RSPO2: variants seen among roughly 807,000 people sequenced by gnomAD.
The protein encoded by RSPO2 is R-spondin-2.
A neutral mutation model predicts 30.9 loss-of-function variants in RSPO2; 14 were observed. That is an observed-to-expected ratio of 0.45 (90% confidence interval 0.30 to 0.71). The LOEUF is 0.71. RSPO2 is among the 30% of genes least tolerant of loss of function. The probability of loss-of-function intolerance (pLI) is 0.08; values close to 1 mark genes in which losing one functional copy is unlikely to be tolerated. For synonymous variants in RSPO2, 107 were observed against 96.4 expected (o/e 1.11, Z -0.64); for missense variants, 264 against 301.9 (o/e 0.87, Z 0.93).
Position 107,943,368 on chromosome 8 carries a change from T to TA in RSPO2, c.616+14711dup, listed in dbSNP as rs372943013. On this transcript the variant is annotated intron_variant, in intron 5 of 5. Transcript: ENST00000276659. ...ATCAGCATTTTGAGAACTGTATGGT[T>TA]AAAAAAAACTTTGAAATATGGGTGT... is the stretch of plus-strand genomic sequence containing the variant. Among the ~76,000 whole-genome samples, 1,264 of 152,178 alleles carry TA rather than the reference T, an allele frequency of 8.3e-3. 12 individuals are homozygous for TA. Among genetic ancestry groups the TA allele is most frequent in the South Asian group, 0.036 (175 of 4,820 alleles).
chr8:107,958,268 T>TCA lies in RSPO2; in HGVS notation c.428-1_428insTG (p.Glu143ValfsTer40). The stretch of plus-strand genomic sequence containing the variant: ...GCTCCAATGACCAACTTCACATCCT[T>TCA]CTAGTAAAGATTTTTAGAAAAAGAA... On this transcript the variant is annotated frameshift_variant and splice_region_variant. Coordinates refer to ENST00000276659, the MANE Select transcript of RSPO2 (RefSeq NM_178565.5). LOFTEE classifies it high-confidence loss of function. 6.2e-7 allele frequency: 1 copy of TCA among 1,606,480 alleles called. No homozygotes were observed. Among genetic ancestry groups the TCA allele is most frequent in the Non-Finnish European group, 8.5e-7 (1 of 1,176,376 alleles).
At chr8:107,933,972 G>C (rs1405426623) in intron 5 of RSPO2, among the ~76,000 whole-genome samples, 1 of 152,048 alleles carries the variant, frequency 6.6e-6, no homozygotes, top group Non-Finnish European at 1.5e-5. Context: ...TTTGCCTATG[G>C]TGGGCAAGAG....
intron 3 of RSPO2, among the ~76,000 whole-genome samples, chr8:107,987,587 G>A (rs1814690138): frequency 6.6e-6 from 1 of 152,200 alleles, no homozygotes; most frequent in East Asian, 1.9e-4. Context: ...CATTTAATGG[G>A]CAGGGACCAA....
chr8:107,951,572 T>C (rs1454360005), intron 5 of RSPO2, among the ~76,000 whole-genome samples: 1 of 152,170 alleles, frequency 6.6e-6, no homozygotes, highest in African/African-American at 2.4e-5. Flanking sequence ...CTTTGGGTCT[T>C]CAGTGGCATA....
intron 2 of RSPO2, among the ~76,000 whole-genome samples, chr8:108,071,531 G>A (rs1011309366): frequency 6.6e-6 from 1 of 152,088 alleles, no homozygotes; most frequent in African/African-American, 2.4e-5. Flanking sequence ...GAAGGAGGGC[G>A]GCCACAAGAT....
intron 3 of RSPO2, among the ~76,000 whole-genome samples, chr8:107,979,486 A>T (rs939802666): frequency 4.6e-5 from 7 of 152,244 alleles, no homozygotes; most frequent in African/African-American, 1.4e-4. Flanking sequence ...AACAATGAGA[A>T]CACCTGGACA....
chr8:107,994,422 G>A (rs1031439033), intron 2 of RSPO2, among the ~76,000 whole-genome samples: 2 of 151,836 alleles, frequency 1.3e-5, no homozygotes, highest in Non-Finnish European at 1.5e-5. Context: ...TCCTACTGAT[G>A]GGACATGGTG....
intron 3 of RSPO2, among the ~76,000 whole-genome samples, chr8:107,987,628 G>A (rs771018786): frequency 9.2e-5 from 14 of 152,168 alleles, no homozygotes; most frequent in Admixed American, 2.0e-4. Flanking sequence ...TGTAGGACAG[G>A]TCCCATGAAA....
intron 5 of RSPO2, among the ~76,000 whole-genome samples, chr8:107,943,374 A>G (rs1021306649): frequency 1.3e-5 from 2 of 152,172 alleles, no homozygotes; most frequent in Non-Finnish European, 2.9e-5. Context: ...TGGTTAAAAA[A>G]AACTTTGAAA....
intron 2 of RSPO2, chr8:107,997,008 C>T (rs1362749472): frequency 4.8e-6 from 2 of 412,734 alleles, no homozygotes; most frequent in Non-Finnish European, 9.6e-6. Flanking sequence ...AGTACTCTCT[C>T]CCCACTTTCT....
intron 5 of RSPO2, among the ~76,000 whole-genome samples, chr8:107,947,458 A>G (rs1813101127): frequency 6.6e-6 from 1 of 152,210 alleles, no homozygotes; most frequent in African/African-American, 2.4e-5. Flanking sequence ...GTACAAATAC[A>G]AACTAGAGAA....
chr8:107,901,561 G>A (rs1811464386), intron 5 of RSPO2, among the ~76,000 whole-genome samples: 1 of 152,160 alleles, frequency 6.6e-6, no homozygotes, highest in Non-Finnish European at 1.5e-5. Context: ...GTGTCAGTGG[G>A]TCAAAAGAAA....
At chr8:107,947,061 A>G (rs921323795) in intron 5 of RSPO2, among the ~76,000 whole-genome samples, 1 of 152,272 alleles carries the variant, frequency 6.6e-6, no homozygotes, top group African/African-American at 2.4e-5. Context: ...CACAAACTGC[A>G]AACTGATTAG....
intron 2 of RSPO2, among the ~76,000 whole-genome samples, chr8:108,036,954 C>T (rs1435373923): frequency 6.6e-6 from 1 of 152,182 alleles, no homozygotes. Context: ...GTTGTGTGTT[C>T]TGACTGCTCC....
intron 2 of RSPO2, among the ~76,000 whole-genome samples, chr8:108,050,247 C>T (rs1017279944): frequency 4.6e-5 from 7 of 152,076 alleles, no homozygotes; most frequent in Non-Finnish European, 8.8e-5. Flanking sequence ...TAGAAAAAGC[C>T]TCCCAGTGAA....
At chr8:108,040,870 C>T (rs1811733411) in intron 2 of RSPO2, among the ~76,000 whole-genome samples, 1 of 152,026 alleles carries the variant, frequency 6.6e-6, no homozygotes, top group African/African-American at 2.4e-5. Flanking sequence ...AGGTCTAAAA[C>T]AGAATATTTG....
At chr8:108,003,295 ATATATATATATATATATTTTTTTT>A (rs1815323406) in intron 2 of RSPO2, among the ~76,000 whole-genome samples, 1 of 27,446 alleles carries the variant, frequency 3.6e-5, no homozygotes, top group East Asian at 8.7e-4. Flanking sequence ...ATATATATAT[ATATATATATATATATATTTTTTTT>A]TTTTTTTTTT....
At chr8:108,057,361 T>G (rs960093700) in intron 2 of RSPO2, among the ~76,000 whole-genome samples, 1 of 152,130 alleles carries the variant, frequency 6.6e-6, no homozygotes, top group Non-Finnish European at 1.5e-5. Context: ...GTAGAAAGGT[T>G]ATTGGTAGTT....
At chr8:108,039,580 A>G (rs1469867418) in intron 2 of RSPO2, among the ~76,000 whole-genome samples, 6 of 152,166 alleles carry the variant, frequency 3.9e-5, no homozygotes, top group African/African-American at 1.4e-4. Context: ...AAGGAAAACA[A>G]TATTTGAAAG....
Sources: allele counts gnomAD v4.1 joint callset (sites outside exome capture counted in the v4.1 genomes callset), GRCh38; gene constraint gnomAD v4.1.1; transcripts MANE v1.5; gene names NCBI Gene and HGNC (gene_info 2026-07-23, HGNC 2026-07-21).